The following STING1 variants were observed in gnomAD, a reference collection of about 807,000 sequenced individuals.
STING1 encodes stimulator of interferon genes protein.
A neutral mutation model predicts 31.6 loss-of-function variants in STING1; 19 were observed. That is an observed-to-expected ratio of 0.60 (90% CI 0.42 to 0.88). The LOEUF (loss-of-function observed/expected upper bound fraction) is 0.88. Among genes scored for constraint, STING1 ranks in the 40% least tolerant of loss-of-function variants. The probability of loss-of-function intolerance (pLI) is 0.00; values close to 1 mark genes in which losing one functional copy is unlikely to be tolerated. For missense variants in STING1, 371 were observed against 483.7 expected, an observed-to-expected ratio of 0.77 and a Z score of 2.19; for synonymous variants, 200 against 208.6, an observed-to-expected ratio of 0.96 and a Z score of 0.35.
At position 139,476,144 on chromosome 5, in the gene STING1, T is replaced by C. The variant is rs1161056962; in HGVS notation, c.*117A>G. 3.7e-6 allele frequency: 3 copies of C among 807,864 alleles called. No individual in the cohort carries two copies. In the East Asian group the frequency reaches 8.1e-5, roughly 22 times the overall value. The allele number at this position is 807,864 out of a possible 1,614,324, so 50.0% of individuals were successfully genotyped here. On this transcript the variant is annotated 3_prime_UTR_variant, in exon 8 of 8. Transcript: ENST00000330794. Reference sequence around the variant, plus strand: ...CTTAAGATGTCAAGTCCTGGACCCTTCCCTGCAAGGCCCCCTGTGGAAGGA... The same window carrying C: ...CTTAAGATGTCAAGTCCTGGACCCTCCCCTGCAAGGCCCCCTGTGGAAGGA...
Position 139,476,554 on chromosome 5 carries a change from C to A in STING1, c.947-100G>T, listed in dbSNP as rs551530231. ...TGGGAAGATCCCCTAACCCTCCCTA[C>A]CCCCCTTCCTACCCAAGCCCCAGCC... On this transcript the variant is annotated intron_variant, in intron 7 of 7. Coordinates refer to ENST00000330794, the MANE Select transcript of STING1 (RefSeq NM_198282.4). 3.8e-5 allele frequency: 41 copies of A among 1,077,740 alleles called. 1 individual carries two copies. The South Asian group carries it at 4.7e-4, about 12-fold the overall frequency. The allele number at this position is 1,077,740 out of a possible 1,614,324, so 66.8% of individuals were successfully genotyped here. A position where few individuals can be genotyped will look rare whatever the true frequency, so the allele number is the denominator to read the frequency against.
rs1310467036 is a variant in STING1 at position 139,482,673 on chromosome 5, C to T, written c.-217G>A. 1 of 152,286 alleles carries T rather than the reference C, an allele frequency of 6.6e-6. No homozygotes were observed. The highest frequency in any genetic ancestry group is 1.5e-5 in the Non-Finnish European group (1 of 68,078). The allele number at this position is 152,286 out of a possible 1,614,324, so 9.4% of individuals were successfully genotyped here. A position where few individuals can be genotyped will look rare whatever the true frequency, so the allele number is the denominator to read the frequency against. Reference sequence around the variant, plus strand: ...CAGCACACACATCACACGATGATTCCCCGTCTCATATTTTTCTTCTGGTTT... The same window carrying T: ...CAGCACACACATCACACGATGATTCTCCGTCTCATATTTTTCTTCTGGTTT... On this transcript the variant is annotated 5_prime_UTR_variant, in exon 1 of 8. Transcript: ENST00000330794.
chr5:139,476,495 C>T (rs1349426797), intron 7 of STING1, 41 bp from the exon 8 acceptor site: 4 of 1,579,224 alleles, frequency 2.5e-6, no homozygotes, highest in Non-Finnish European at 3.5e-6. Flanking sequence ...GAGGATCTTA[C>T]CCATTCCCAC....
chr5:139,481,233 C>T lies in STING1; in HGVS notation c.337G>A (p.Val113Ile), dbSNP rs770875890. The T allele has an allele frequency of 2.5e-6, 4 of 1,614,178 alleles. No individual in the cohort carries two copies. The highest frequency in any genetic ancestry group is 3.3e-5 in the Admixed American group (2 of 60,024). ...IYFYYSLPNA[V>I]GPPFTWMLAL... The stretch of plus-strand genomic sequence containing the variant: ...AGCATCCAAGTGAAGGGCGGGCCGA[C>T]CGCATTTGGGAGGGAGTAGTAGAAA... The change falls in exon 4 of 8, where the codon GTC becomes ATC. Residue 113 changes from valine to isoleucine, a missense_variant. Val to Ile is a conservative substitution (Grantham distance 29). Coordinates refer to ENST00000330794, the MANE Select transcript of STING1 (RefSeq NM_198282.4). The surrounding 1 kb of genome is among the most constrained non-coding windows in gnomAD (Gnocchi z 4.1).
Position 139,481,636 on chromosome 5 carries a change from C to T in STING1, c.69G>A (p.Leu23=). The T allele has an allele frequency of 1.9e-6, 3 of 1,612,728 alleles. No homozygotes were observed. Among genetic ancestry groups the T allele is most frequent in the Non-Finnish European group, 2.5e-6 (3 of 1,179,268 alleles). The change falls in exon 3 of 8, where the codon TTG becomes TTA. Residue 23 remains leucine (L), a synonymous_variant. Transcript: ENST00000330794. This position sits in a 1 kb window ranked among gnomAD's most constrained non-coding sequence, Gnocchi z 4.1. The part of the protein sequence containing the change: ...PRGHGAQKAA[L]VLLSACLVTL... ...TCACCAGGCAGGCACTCAGCAGAAC[C>T]AAGGCTGCCTTCTGGGCCCCGTGAC... is the stretch of plus-strand genomic sequence containing the variant.
At chr5:139,480,003 C>CAAAA (rs552338116) in intron 5 of STING1, among the ~76,000 whole-genome samples, 1 of 89,016 alleles carries the variant, frequency 1.1e-5, no homozygotes. Context: ...GACTTTGTCT[C>CAAAA]AAAAAAAAAA....
Position 139,481,281 on chromosome 5 carries a change from C to T in STING1, c.289G>A (p.Ala97Thr), listed in dbSNP as rs181566154. 518 of 1,613,320 alleles carry T rather than the reference C, an allele frequency of 3.2e-4. 1 individual carries two copies. The highest frequency in any genetic ancestry group is 1.5e-3 in the Middle Eastern group (9 of 6,060). The change falls in exon 4 of 8, where the codon GCC (alanine) becomes ACC (threonine). Residue 97 changes from alanine (A) to threonine (T), a missense_variant. Ala to Thr is a moderately conservative substitution (Grantham distance 58). Transcript: ENST00000330794. This position sits in a 1 kb window ranked among gnomAD's most constrained non-coding sequence, Gnocchi z 4.1. ...ACLGCPLRRG[A>T]LLLLSIYFYY... ...AAATAGATGGACAGCAGCAACAGGG[C>T]CCCACGGCGGAGGGGGCAGCCCAGG...
rs1352824531 is a variant in STING1, at chr5:139,478,371, G to A, written c.658C>T (p.Arg220Cys). 1.2e-5 allele frequency: 19 copies of A among 1,614,174 alleles called. No individual in the cohort carries two copies. The highest frequency in any genetic ancestry group is 2.2e-5 in the East Asian group (1 of 44,886). The change falls in exon 6 of 8, where the codon CGC becomes TGC. Residue 220 changes from arginine to cysteine, a missense_variant. Physicochemically the swap from Arg to Cys is radical, Grantham distance 180. Coordinates refer to ENST00000330794, the MANE Select transcript of STING1 (RefSeq NM_198282.4). ...TGCTGGGGCAGTTTATCCAGGAAGC[G>A]AATGTTGGGGTCAGCCATACTCAGG... is the stretch of plus-strand genomic sequence containing the variant. ...DNLSMADPNI[R>C]FLDKLPQQTG...
At position 139,481,374 on chromosome 5, in the gene STING1, C is replaced by G. The variant is rs369698734; in HGVS notation, c.228-32G>C. 6 of 1,578,562 alleles carry G rather than the reference C, an allele frequency of 3.8e-6. No homozygotes were observed. Among genetic ancestry groups the G allele is most frequent in the Non-Finnish European group, 5.2e-6 (6 of 1,160,430 alleles). On this transcript the variant is annotated intron_variant, in intron 3 of 7. Coordinates refer to ENST00000330794, the MANE Select transcript of STING1 (RefSeq NM_198282.4). This position sits in a 1 kb window ranked among gnomAD's most constrained non-coding sequence, Gnocchi z 4.1. Reference sequence around the variant, plus strand: ...GTGACAGCCAGACCCCAGACCCCAGCCCCCAGCCCAGCTCAGCCAGAGAGG... The same window carrying G: ...GTGACAGCCAGACCCCAGACCCCAGGCCCCAGCCCAGCTCAGCCAGAGAGG...
chr5:139,481,732 T>C lies in STING1; in HGVS notation c.1-28A>G. ...GTGGGCACCAAGAAATCCATGACCA[T>C]TCTCCCCTTGCCCTCCTGCCCTTCT... On this transcript the variant is annotated intron_variant, in intron 2 of 7. Transcript: ENST00000330794. This position sits in a 1 kb window ranked among gnomAD's most constrained non-coding sequence, Gnocchi z 4.1. The C allele has an allele frequency of 6.4e-7, 1 of 1,563,736 alleles. No individual in the cohort carries two copies. Among genetic ancestry groups the C allele is most frequent in the East Asian group, 2.3e-5 (1 of 43,608 alleles).
intron 5 of STING1, chr5:139,478,957 C>G (rs938704104): frequency 4.2e-5 from 7 of 166,698 alleles, no homozygotes; most frequent in Non-Finnish European, 6.6e-5. Context: ...AGGGCAGGCA[C>G]AGTGGCTCAC....
chr5:139,477,274 C>A, intron 7 of STING1, 55 bp downstream of exon 7: 2 of 1,579,078 alleles, frequency 1.3e-6, no homozygotes, highest in Non-Finnish European at 1.7e-6. Flanking sequence ...ACCCTGGGAC[C>A]CCTGACTCCT....
Position 139,481,851 on chromosome 5 carries a change from G to T in STING1, c.1-147C>A. 1.5e-6 allele frequency: 1 copy of T among 655,036 alleles called. No homozygotes were observed. Among genetic ancestry groups the T allele is most frequent in the Non-Finnish European group, 2.6e-6 (1 of 381,536 alleles). The allele number at this position is 655,036 out of a possible 1,614,324, so 40.6% of individuals were successfully genotyped here. On this transcript the variant is annotated intron_variant, in intron 2 of 7. Coordinates refer to ENST00000330794, the MANE Select transcript of STING1 (RefSeq NM_198282.4). This position sits in a 1 kb window ranked among gnomAD's most constrained non-coding sequence, Gnocchi z 4.1. ...GCTGCTCTTAGAGACACCTCTAGGA[G>T]GCAGGCTGGGAATAAGTCACCCCAA...
Position 139,478,418 on chromosome 5 carries a change from A to G in STING1, c.611T>C (p.Leu204Ser), listed in dbSNP as rs375700017. 6.2e-7 allele frequency: 1 copy of G among 1,614,080 alleles called. No individual in the cohort carries two copies. The highest frequency in any genetic ancestry group is 8.5e-7 in the Non-Finnish European group (1 of 1,180,026). The stretch of plus-strand genomic sequence containing the variant: ...CAGGTTATCAGGCACCCCACAGTCC[A>G]ATGGGAGGAGAATATACAGCCGCTG... ...VSQRLYILLP[L>S]DCGVPDNLSM... The change falls in exon 6 of 8, where the codon TTG becomes TCG. Residue 204 changes from leucine to serine, a missense_variant. Transcript: ENST00000330794.
rs1490896074 is a variant in STING1 at position 139,481,698 on chromosome 5, G to A, written c.7C>T (p.His3Tyr). The change falls in exon 3 of 8, where the codon CAC becomes TAC. Residue 3 changes from histidine to tyrosine, a missense_variant. By Grantham distance (83) the His-to-Tyr change is moderately conservative. Coordinates refer to ENST00000330794, the MANE Select transcript of STING1 (RefSeq NM_198282.4). The surrounding 1 kb of genome is among the most constrained non-coding windows in gnomAD (Gnocchi z 4.1). Reference sequence around the variant, plus strand: ...GGGATGGATGGATGCAGGCTGGAGTGGGGCATCTGTGGGCACCAAGAAATC... The same window carrying A: ...GGGATGGATGGATGCAGGCTGGAGTAGGGCATCTGTGGGCACCAAGAAATC... MP[H>Y]SSLHPSIPCP... The A allele has an allele frequency of 3.8e-6, 6 of 1,598,028 alleles. No individual in the cohort carries two copies. The highest frequency in any genetic ancestry group is 4.3e-6 in the Non-Finnish European group (5 of 1,167,804).
chr5:139,479,297 G>A (rs890106374), intron 5 of STING1: 3 of 152,198 alleles, frequency 2.0e-5, no homozygotes, highest in African/African-American at 4.8e-5. Context: ...CAGGCTCCAC[G>A]GTGCAGTGGT....
In STING1 at chr5:139,480,817, T is replaced by C. The variant is rs768359336; in HGVS notation, c.493A>G (p.Ile165Val). 1.5e-5 allele frequency: 24 copies of C among 1,613,792 alleles called. No individual in the cohort carries two copies. Among genetic ancestry groups the C allele is most frequent in the Middle Eastern group, 1.6e-4 (1 of 6,084 alleles). ...GGCAGGATCAGCCGCAGATATCCGA[T>C]GTAATATGACCATGCCAGCCCATGG... ...VAHGLAWSYY[I>V]GYLRLILPEL... The change falls in exon 5 of 8, where the codon ATC becomes GTC. Residue 165 changes from isoleucine (I) to valine (V), a missense_variant. By Grantham distance (29) the Ile-to-Val change is conservative. Coordinates refer to ENST00000330794, the MANE Select transcript of STING1 (RefSeq NM_198282.4).
At chr5:139,482,005 G>A (rs541076946) in intron 2 of STING1, 1 of 335,274 alleles carries the variant, frequency 3.0e-6, no homozygotes, top group African/African-American at 2.1e-5. Flanking sequence ...CAGACTTGAA[G>A]CTGTCCTGTG....
chr5:139,480,945 A>G (rs1019737393), intron 4 of STING1, 47 bp from the exon 5 acceptor site: 1 of 1,459,708 alleles, frequency 6.9e-7, no homozygotes, highest in Non-Finnish European at 9.6e-7. Context: ...AAGGACACCC[A>G]GAGAACTCCT....
Sources: allele counts gnomAD v4.1 joint callset (sites outside exome capture counted in the v4.1 genomes callset), GRCh38; gene constraint gnomAD v4.1.1; non-coding constraint Gnocchi (gnomAD v3.1); transcripts MANE v1.5; gene names NCBI Gene and HGNC (gene_info 2026-07-23, HGNC 2026-07-21).